USP10: variants seen among roughly 807,000 people sequenced by gnomAD.
The protein encoded by USP10 is ubiquitin carboxyl-terminal hydrolase 10.
USP10 carries 22 observed loss-of-function variants against 84.5 expected under a neutral mutation model. The ratio of observed to expected loss-of-function variants is 0.26; its 90% CI spans 0.19 to 0.37. The LOEUF (loss-of-function observed/expected upper bound fraction) is 0.37. Ranked by LOEUF, USP10 falls within the 10% of genes least tolerant of loss-of-function variation. The pLI, the probability that USP10 is intolerant of heterozygous loss-of-function variation, is 1.00. For synonymous variants in USP10, 454 were observed against 387.6 expected (o/e 1.17, Z -2.01); for missense variants, 1,019 against 998.9 (o/e 1.02, Z -0.27).
At chr16:84,774,626 A>G (rs925043102) in intron 12 of USP10, among the ~76,000 whole-genome samples, 1 of 151,238 alleles carries the variant, frequency 6.6e-6, no homozygotes, top group Non-Finnish European at 1.5e-5. Context: ...GCGTGCCACC[A>G]CGCCCGGGTA....
chr16:84,749,808 T>G (rs543053902), intron 4 of USP10, among the ~76,000 whole-genome samples: 6 of 152,192 alleles, frequency 3.9e-5, no homozygotes, highest in Non-Finnish European at 7.3e-5. Flanking sequence ...TGATTACTCT[T>G]AAACTATCCA....
chr16:84,768,460 C>G lies in USP10; in HGVS notation c.1998+102C>G, dbSNP rs1914093867. 5 of 1,171,752 alleles carry G rather than the reference C, an allele frequency of 4.3e-6. No individual in the cohort carries two copies. In the South Asian group the frequency reaches 1.0e-4, roughly 24 times the overall value. 72.6% of individuals were successfully genotyped at this position (1,171,752 alleles called of 1,614,324 possible). ...GGGGAAATGGGTTTGAGTTATGCCT[C>G]TTAAATCAGTTGCTTAACCATTTTG... On this transcript the variant is annotated intron_variant, in intron 11 of 13. Coordinates refer to ENST00000219473, the MANE Select transcript of USP10 (RefSeq NM_005153.3).
At position 84,745,356 on chromosome 16, in the gene USP10, C is replaced by T. The variant is rs371050830; in HGVS notation, c.875C>T (p.Ser292Phe). 1 of 1,613,074 alleles carries T rather than the reference C, an allele frequency of 6.2e-7. No homozygotes were observed. The highest frequency in any genetic ancestry group is 8.5e-7 in the Non-Finnish European group (1 of 1,179,734). ...GTTGCTAATGGACAAATACTTGAAT[C>T]CTCGGGTGAGGGCACAGCTACCAAC... is the stretch of plus-strand genomic sequence containing the variant. ...LGVANGQILESSGEGTATNGV... is the reference protein window; with the variant it reads ...LGVANGQILEFSGEGTATNGV... Residue 292 changes from serine to phenylalanine, a missense_variant, in exon 4 of 14, where the codon TCC (serine) becomes TTC (phenylalanine). Physicochemically the swap from Ser to Phe is radical, Grantham distance 155 (BLOSUM62 -2). Around this residue, in one of 2 missense-constraint regions of USP10, gnomAD observed 787 missense variants for 708.8 expected, o/e 1.11. Coordinates refer to ENST00000219473, the MANE Select transcript of USP10 (RefSeq NM_005153.3).
chr16:84,720,240 T>C (rs566706025), intron 1 of USP10, among the ~76,000 whole-genome samples: 6 of 152,328 alleles, frequency 3.9e-5, no homozygotes, highest in Admixed American at 6.5e-5. Context: ...CGTGGCGATG[T>C]GCGTTCCTTC....
At chr16:84,737,169 T>TA (rs1910045006) in intron 2 of USP10, among the ~76,000 whole-genome samples, 3 of 152,308 alleles carry the variant, frequency 2.0e-5, no homozygotes, top group South Asian at 4.1e-4. Context: ...AACACACAGG[T>TA]AGCCCAGAGG....
intron 1 of USP10, among the ~76,000 whole-genome samples, chr16:84,722,534 C>A (rs934310108): frequency 1.3e-5 from 2 of 152,200 alleles, no homozygotes; most frequent in Non-Finnish European, 2.9e-5. Context: ...GAGAATGCTT[C>A]TTCTCTGTCC....
At chr16:84,727,958 C>T (rs1315593386) in intron 1 of USP10, among the ~76,000 whole-genome samples, 1 of 152,182 alleles carries the variant, frequency 6.6e-6, no homozygotes, top group Non-Finnish European at 1.5e-5. Context: ...GCACAGGATC[C>T]AGTCTAGGGT....
At chr16:84,764,342 C>T in intron 10 of USP10, 79 bp downstream of exon 10, 1 of 1,581,642 alleles carries the variant, frequency 6.3e-7, no homozygotes, top group Non-Finnish European at 8.6e-7. Flanking sequence ...AGGTGTGAGG[C>T]TTGTTTTGAG....
At chr16:84,757,400 G>GTGTGTGTGT (rs1555546460) in intron 4 of USP10, among the ~76,000 whole-genome samples, 24 of 61,214 alleles carry the variant, frequency 3.9e-4, no homozygotes, top group African/African-American at 1.2e-3. Context: ...GAGAGGGGTG[G>GTGTGTGTGT]GGGTGTGTGT....
chr16:84,758,922 A>T, intron 5 of USP10, 115 bp downstream of exon 5: 2 of 760,486 alleles, frequency 2.6e-6, no homozygotes, highest in Non-Finnish European at 2.3e-6. Context: ...TGAATCCCTA[A>T]GTCTGGTTTA....
intron 1 of USP10, among the ~76,000 whole-genome samples, chr16:84,732,017 C>T (rs942074827): frequency 6.6e-6 from 1 of 152,076 alleles, no homozygotes; most frequent in Non-Finnish European, 1.5e-5. Context: ...TACATAATTT[C>T]TTTGTTGACT....
chr16:84,745,073 G>A lies in USP10; in HGVS notation c.592G>A (p.Gly198Ser), dbSNP rs778611240. The change falls in exon 4 of 14, where the codon GGT becomes AGT. Residue 198 changes from glycine (G) to serine (S), a missense_variant. By Grantham distance (56) the Gly-to-Ser change is moderately conservative. This residue lies in a region of USP10 where 787 missense variants were observed against 708.8 expected (regional missense o/e 1.11). Transcript: ENST00000219473. ...CAGTGCAGAGGATGCAGAATTTATGGGTGACATGCCCCCGTCAGTTACGCC... is the reference window on the plus strand; with the variant it reads ...CAGTGCAGAGGATGCAGAATTTATGAGTGACATGCCCCCGTCAGTTACGCC... ...SVSAEDAEFM[G>S]DMPPSVTPRT... 1 of 1,613,518 alleles carries A rather than the reference G, an allele frequency of 6.2e-7. No individual in the cohort carries two copies. The highest frequency in any genetic ancestry group is 1.3e-5 in the African/African-American group (1 of 74,904).
intron 1 of USP10, among the ~76,000 whole-genome samples, chr16:84,729,361 C>G (rs372014304): frequency 6.6e-6 from 1 of 152,166 alleles, no homozygotes; most frequent in African/African-American, 2.4e-5. Context: ...ATTCCCCTAG[C>G]TTGTGATATC....
At chr16:84,741,608 C>G (rs1910631474) in intron 3 of USP10, among the ~76,000 whole-genome samples, 2 of 152,210 alleles carry the variant, frequency 1.3e-5, no homozygotes, top group African/African-American at 4.8e-5. Flanking sequence ...CCTGCCTGCC[C>G]TTTTCAGTGA....
At chr16:84,775,447 C>G (rs1045509889) in intron 13 of USP10, among the ~76,000 whole-genome samples, 2 of 152,216 alleles carry the variant, frequency 1.3e-5, no homozygotes, top group Non-Finnish European at 2.9e-5. Flanking sequence ...AGACCTTGCT[C>G]AAAGCGAACA....
intron 1 of USP10, among the ~76,000 whole-genome samples, chr16:84,725,821 G>A (rs1908395773): frequency 6.6e-6 from 1 of 152,214 alleles, no homozygotes; most frequent in Admixed American, 6.5e-5. Flanking sequence ...TTTTGTAGAT[G>A]AGATTAAGGC....
At chr16:84,743,649 G>A (rs1185857639) in intron 3 of USP10, among the ~76,000 whole-genome samples, 1 of 152,030 alleles carries the variant, frequency 6.6e-6, no homozygotes, top group Non-Finnish European at 1.5e-5. Flanking sequence ...ACTTCAAAAT[G>A]TGTAACTTTT....
chr16:84,733,041 GCTTTT>G, intron 1 of USP10: 1 of 452,292 alleles, frequency 2.2e-6, no homozygotes, highest in South Asian at 1.6e-5. Context: ...CACGTTTTCT[GCTTTT>G]CTTTAGTATG....
rs767249866 is a variant in USP10 at position 84,700,106 on chromosome 16, C to T, written c.16C>T (p.Pro6Ser). The change falls in exon 1 of 14, where the codon CCG (proline) becomes TCG (serine). Residue 6 changes from proline (P) to serine (S), a missense_variant. Around this residue, in one of 2 missense-constraint regions of USP10, gnomAD observed 787 missense variants for 708.8 expected, o/e 1.11. Coordinates refer to ENST00000219473, the MANE Select transcript of USP10 (RefSeq NM_005153.3). ...ACGGGCAGCCATGGCCCTCCACAGC[C>T]CGCAGGTAGCCGCCGGTCTGCGCCT... Reference protein sequence around the residue: MALHSPQYIFGDFSPD... With the variant: MALHSSQYIFGDFSPD... 4.4e-6 allele frequency: 6 copies of T among 1,352,898 alleles called. No homozygotes were observed. In the East Asian group the frequency reaches 1.2e-4, roughly 27 times the overall value. 83.8% of individuals were successfully genotyped at this position (1,352,898 alleles called of 1,614,324 possible).
Sources: gnomAD v4.1 joint callset for allele counts (sites outside exome capture counted in the v4.1 genomes callset) on GRCh38, gnomAD v4.1.1 for gene constraint, gnomAD v4.1.1 regional missense constraint, MANE v1.5 for transcripts, NCBI Gene and HGNC (gene_info 2026-07-23, HGNC 2026-07-21) for gene names.